Variants in DNHD1 observed in about 807,000 individuals in gnomAD.
DNHD1 encodes dynein heavy chain domain-containing protein 1.
DNHD1 carries 383 observed loss-of-function variants against 458.1 expected under a neutral mutation model. The ratio of observed to expected loss-of-function variants is 0.84; its 90% CI spans 0.77 to 0.91. The LOEUF (loss-of-function observed/expected upper bound fraction) is 0.91, where lower values mean the gene tolerates loss of function less well. Ranked by LOEUF, DNHD1 falls within the 40% of genes least tolerant of loss-of-function variation. DNHD1 has a pLI of 0.00. For missense variants in DNHD1, 5,336 were observed against 5,866.1 expected (o/e 0.91, Z 2.95); for synonymous variants, 2,203 against 2,376.9 (o/e 0.93, Z 2.13).
chr11:6,498,094 C>A lies in DNHD1; in HGVS notation c.-122C>A. On this transcript the variant is annotated 5_prime_UTR_variant, in exon 3 of 43. The change creates a new upstream start codon in the 5' untranslated region. Transcript: ENST00000254579. The stretch of plus-strand genomic sequence containing the variant: ...CTGCCCAGAGCCTGAGGTCCCTTCT[C>A]TGGCCCCTCTGCTGGGCTGGCCCAT... The A allele has an allele frequency of 7.1e-7, 1 of 1,401,674 alleles. No individual in the cohort carries two copies. The highest frequency in any genetic ancestry group is 9.7e-7 in the Non-Finnish European group (1 of 1,027,050). The allele number at this position is 1,401,674 out of a possible 1,614,324, so 86.8% of individuals were successfully genotyped here.
Position 6,498,644 on chromosome 11 carries a change from T to G in DNHD1, c.429T>G (p.Ser143Arg). The change falls in exon 3 of 43, where the codon AGT (serine) becomes AGG (arginine). Residue 143 changes from serine to arginine, a missense_variant. Transcript: ENST00000254579. ...AFPPDSSLLDSASHADCCPQK... is the reference protein window; with the variant it reads ...AFPPDSSLLDRASHADCCPQK... Reference sequence around the variant, plus strand: ...CTCCAGACAGCTCTTTGTTAGACAGTGCTTCCCATGCTGACTGCTGTCCCC... The same window carrying G: ...CTCCAGACAGCTCTTTGTTAGACAGGGCTTCCCATGCTGACTGCTGTCCCC... 1 of 1,614,234 alleles carries G rather than the reference T, an allele frequency of 6.2e-7. No homozygotes were observed. The highest frequency in any genetic ancestry group is 8.5e-7 in the Non-Finnish European group (1 of 1,180,042).
At position 6,570,117 on chromosome 11, in the gene DNHD1, C is replaced by T. The variant is rs747882517; in HGVS notation, c.12955+17C>T. ...AGCTGGCTGGTGAGACCCTTCCTCT[C>T]CCCCTTGGAGTCATCAGCCCCCAGG... On this transcript the variant is annotated intron_variant, in intron 40 of 42. Coordinates refer to ENST00000254579, the MANE Select transcript of DNHD1 (RefSeq NM_144666.3). The T allele has an allele frequency of 1.2e-6, 2 of 1,613,828 alleles. No individual in the cohort carries two copies. The highest frequency in any genetic ancestry group is 1.1e-5 in the South Asian group (1 of 91,058).
At chr11:6,549,011 C>T in intron 24 of DNHD1, 78 bp downstream of exon 24, 2 of 1,421,142 alleles carry the variant, frequency 1.4e-6, no homozygotes, top group South Asian at 1.3e-5. Flanking sequence ...TATTCATTGA[C>T]TCTCAAATAT....
intron 7 of DNHD1, among the ~76,000 whole-genome samples, chr11:6,519,259 TC>T (rs1852553328): frequency 6.6e-6 from 1 of 152,220 alleles, no homozygotes; most frequent in Non-Finnish European, 1.5e-5. Flanking sequence ...GCCTTATTTA[TC>T]CCATCTTTTT....
chr11:6,566,193 C>A, intron 33 of DNHD1, 48 bp from the exon 34 acceptor site: 1 of 1,542,272 alleles, frequency 6.5e-7, no homozygotes, highest in Non-Finnish European at 8.8e-7. Flanking sequence ...GAATGGGGAT[C>A]ATGGGTGCTG....
chr11:6,519,784 A>G lies in DNHD1; in HGVS notation c.1577A>G (p.Tyr526Cys). ...QLGKFARLVD[Y>C]MICQSLISVL... ...GGAAAGTTTGCCCGCCTGGTTGACTACATGATTTGTCAGAGCCTCATTTCT... is the reference window on the plus strand; with the variant it reads ...GGAAAGTTTGCCCGCCTGGTTGACTGCATGATTTGTCAGAGCCTCATTTCT... Residue 526 changes from tyrosine to cysteine, a missense_variant, in exon 8 of 43, where the codon TAC becomes TGC. This residue lies in a region of DNHD1 where 3,932 missense variants were observed against 4,365.6 expected (regional missense o/e 0.90). Coordinates refer to ENST00000254579, the MANE Select transcript of DNHD1 (RefSeq NM_144666.3). 1 of 1,613,772 alleles carries G rather than the reference A, an allele frequency of 6.2e-7. No homozygotes were observed. Among genetic ancestry groups the G allele is most frequent in the Non-Finnish European group, 8.5e-7 (1 of 1,180,030 alleles).
intron 10 of DNHD1, 101 bp downstream of exon 10, chr11:6,520,390 T>G: frequency 6.5e-7 from 1 of 1,544,590 alleles, no homozygotes; most frequent in Non-Finnish European, 8.7e-7. Context: ...GGCTATAGAG[T>G]CAGGCACTGG....
At chr11:6,528,304 A>G (rs777160578) in intron 10 of DNHD1, among the ~76,000 whole-genome samples, 24 of 152,086 alleles carry the variant, frequency 1.6e-4, no homozygotes, top group Admixed American at 2.6e-4. Flanking sequence ...AAATTATGTT[A>G]TTTGCACATG....
At position 6,558,636 on chromosome 11, in the gene DNHD1, C is replaced by T. The variant is rs746327234; in HGVS notation, c.9154C>T (p.Leu3052=). ...DRYEPWDQAA[L]AKVAQHHLEG... ...CTATGAACCCTGGGACCAAGCTGCC[C>T]TGGCCAAGGTGGCCCAGCATCACCT... Residue 3052 remains leucine (L), a synonymous_variant, in exon 26 of 43, where the codon CTG becomes TTG. Coordinates refer to ENST00000254579, the MANE Select transcript of DNHD1 (RefSeq NM_144666.3). 2 of 1,551,648 alleles carry T rather than the reference C, an allele frequency of 1.3e-6. No homozygotes were observed. Among genetic ancestry groups the T allele is most frequent in the South Asian group, 2.4e-5 (2 of 84,060 alleles).
chr11:6,559,374 C>CTGG, intron 28 of DNHD1, 91 bp downstream of exon 28: 1 of 1,086,340 alleles, frequency 9.2e-7, no homozygotes, highest in Non-Finnish European at 1.3e-6. Flanking sequence ...AACCTTAATT[C>CTGG]TTGTCCCCCT....
intron 7 of DNHD1, among the ~76,000 whole-genome samples, chr11:6,515,400 C>A (rs1205242695): frequency 3.3e-5 from 5 of 152,254 alleles, no homozygotes; most frequent in Middle Eastern, 3.4e-3. Flanking sequence ...GGATCCAAAC[C>A]AGAATTATGT....
chr11:6,545,924 C>T lies in DNHD1; in HGVS notation c.4985C>T (p.Pro1662Leu). 1 of 1,551,790 alleles carries T rather than the reference C, an allele frequency of 6.4e-7. No homozygotes were observed. The highest frequency in any genetic ancestry group is 8.7e-7 in the Non-Finnish European group (1 of 1,147,016). Reference protein sequence around the residue: ...EYLGPRLGPLPSLLPERPALV... With the variant: ...EYLGPRLGPLLSLLPERPALV... ...CTGGGACCTAGACTAGGGCCTCTAC[C>T]CAGCCTACTGCCTGAACGGCCAGCC... is the stretch of plus-strand genomic sequence containing the variant. Residue 1662 changes from proline to leucine, a missense_variant, in exon 21 of 43, where the codon CCC becomes CTC. Transcript: ENST00000254579. This position sits in a 1 kb window ranked among gnomAD's most constrained non-coding sequence, Gnocchi z 4.9.
At position 6,548,143 on chromosome 11, in the gene DNHD1, G is replaced by T; in HGVS notation, c.6906-67G>T. ...TCACTGTTAGGGTATGGTGGAGTGT[G>T]TGAGTGTGTCATAAATGGAAGTGTT... On this transcript the variant is annotated intron_variant, in intron 22 of 42. Coordinates refer to ENST00000254579, the MANE Select transcript of DNHD1 (RefSeq NM_144666.3). This position sits in a 1 kb window ranked among gnomAD's most constrained non-coding sequence, Gnocchi z 4.4. 1 of 1,544,770 alleles carries T rather than the reference G, an allele frequency of 6.5e-7. No homozygotes were observed. Among genetic ancestry groups the T allele is most frequent in the Middle Eastern group, 1.7e-4 (1 of 5,978 alleles).
Position 6,558,914 on chromosome 11 carries a change from A to G in DNHD1, c.9224A>G (p.Tyr3075Cys). ...ATGCCCATTGCAGGCTCCTGGAAGT[A>G]CCCAGACCTCCAGGCCTCAATTCCC... ...SVPLDDGSWK[Y>C]PDLQASIPSV... Residue 3075 changes from tyrosine to cysteine, a missense_variant, in exon 27 of 43, where the codon TAC becomes TGC. By Grantham distance (194) the Tyr-to-Cys change is radical. Coordinates refer to ENST00000254579, the MANE Select transcript of DNHD1 (RefSeq NM_144666.3). 1 of 1,551,580 alleles carries G rather than the reference A, an allele frequency of 6.4e-7. No individual in the cohort carries two copies. Among genetic ancestry groups the G allele is most frequent in the South Asian group, 1.2e-5 (1 of 84,056 alleles).
chr11:6,508,907 C>A lies in DNHD1; in HGVS notation c.948C>A (p.Pro316=). Reference sequence around the variant, plus strand: ...CTTACAGCCTGATGGTGGTGCCACCCGACAAGGTGAATCCCGAGCACTACA... The same window carrying A: ...CTTACAGCCTGATGGTGGTGCCACCAGACAAGGTGAATCCCGAGCACTACA... The part of the protein sequence containing the change: ...FRPYSLMVVP[P]DKVNPEHYIF... Residue 316 remains proline (P), a synonymous_variant, in exon 5 of 43, where the codon CCC becomes CCA. Transcript: ENST00000254579. 1 of 1,614,090 alleles carries A rather than the reference C, an allele frequency of 6.2e-7. No individual in the cohort carries two copies. Among genetic ancestry groups the A allele is most frequent in the Non-Finnish European group, 8.5e-7 (1 of 1,180,016 alleles).
chr11:6,546,551 C>T lies in DNHD1; in HGVS notation c.5612C>T (p.Pro1871Leu). The change falls in exon 21 of 43, where the codon CCC becomes CTC. Residue 1871 changes from proline to leucine, a missense_variant. Pro to Leu is a moderately conservative substitution (Grantham distance 98, BLOSUM62 -3). Transcript: ENST00000254579. The stretch of plus-strand genomic sequence containing the variant: ...CGTGAGCTGGTGTCTGGGCCCCTGC[C>T]CTGCCGCCTGCCACTGCTCAAGCAG... ...LERELVSGPL[P>L]CRLPLLKQIL... is the part of the protein sequence containing the mutation. The T allele has an allele frequency of 6.4e-7, 1 of 1,551,490 alleles. No homozygotes were observed.
rs1212829218 is a variant in DNHD1 at position 6,558,903 on chromosome 11, C to T, written c.9213C>T (p.Gly3071=). Residue 3071 remains glycine, a splice_region_variant and synonymous_variant, in exon 27 of 43, where the codon GGC becomes GGT. Coordinates refer to ENST00000254579, the MANE Select transcript of DNHD1 (RefSeq NM_144666.3). ...EGAQSVPLDD[G]SWKYPDLQAS... is the part of the protein sequence containing the mutation. ...AGGCTAAAGCCATGCCCATTGCAGG[C>T]TCCTGGAAGTACCCAGACCTCCAGG... 29 of 1,551,692 alleles carry T rather than the reference C, an allele frequency of 1.9e-5. No homozygotes were observed. The Middle Eastern group carries it at 1.5e-3, about 80-fold the overall frequency.
chr11:6,503,855 A>G (rs1026663812), intron 4 of DNHD1: 1 of 152,106 alleles, frequency 6.6e-6, no homozygotes, highest in African/African-American at 2.4e-5. Flanking sequence ...CCTTTAACCA[A>G]ACTCTTCAAT....
rs1486122990 is a variant in DNHD1 at position 6,571,140 on chromosome 11, C to T, written c.13628C>T (p.Ala4543Val). Residue 4543 changes from alanine to valine, a missense_variant, in exon 42 of 43, where the codon GCC (alanine) becomes GTC (valine). Around this residue, in one of 4 missense-constraint regions of DNHD1, gnomAD observed 698 missense variants for 664.9 expected, o/e 1.05. Transcript: ENST00000254579. This position sits in a 1 kb window ranked among gnomAD's most constrained non-coding sequence, Gnocchi z 5.0. ...TTGCCTTGGCGACCTCATGCGCCGGCCGGTCCGCAGCCGCCCTGGCACTGG... is the reference window on the plus strand; with the variant it reads ...TTGCCTTGGCGACCTCATGCGCCGGTCGGTCCGCAGCCGCCCTGGCACTGG... ...LPLPWRPHAP[A>V]GPQPPWHWLR... 6.2e-7 allele frequency: 1 copy of T among 1,600,946 alleles called. No individual in the cohort carries two copies. The highest frequency in any genetic ancestry group is 8.5e-7 in the Non-Finnish European group (1 of 1,175,248).
Sources: gnomAD v4.1 joint callset for allele counts (sites outside exome capture counted in the v4.1 genomes callset) on GRCh38, gnomAD v4.1.1 for gene constraint, gnomAD v4.1.1 regional missense constraint, Gnocchi (gnomAD v3.1) non-coding constraint, MANE v1.5 for transcripts, NCBI Gene and HGNC (gene_info 2026-07-23, HGNC 2026-07-21) for gene names.